FGF12: variants seen among roughly 807,000 people sequenced by gnomAD.
FGF12 encodes the protein fibroblast growth factor 12B.
FGF12 carries 14 observed loss-of-function variants against 23.6 expected under a neutral mutation model. The observed-to-expected ratio is 0.59, with a 90% CI of 0.39 to 0.93. FGF12 has a LOEUF of 0.93. Among genes scored for constraint, FGF12 ranks in the 40% least tolerant of loss-of-function variants. The pLI is 0.00. For missense variants in FGF12, 175 were observed against 217.8 expected (o/e 0.80, Z 1.24); for synonymous variants, 62 against 77.3 (o/e 0.80, Z 1.04).
At chr3:192,193,588 T>C (rs1716912642) in intron 4 of FGF12, among the ~76,000 whole-genome samples, 1 of 152,172 alleles carries the variant, frequency 6.6e-6, no homozygotes, top group South Asian at 2.1e-4. Flanking sequence ...AGATTAATGA[T>C]TAGAGTTACT....
At chr3:192,622,264 C>A (rs913560691) in intron 2 of FGF12, among the ~76,000 whole-genome samples, 3 of 152,176 alleles carry the variant, frequency 2.0e-5, no homozygotes, top group Non-Finnish European at 4.4e-5. Flanking sequence ...GGAACAGAGT[C>A]ATCCAGGAGT....
chr3:192,296,663 T>C (rs1309883524), intron 4 of FGF12, among the ~76,000 whole-genome samples: 1 of 152,216 alleles, frequency 6.6e-6, no homozygotes, highest in Non-Finnish European at 1.5e-5. Flanking sequence ...TATTAGGTCT[T>C]CATAAGAAAT....
intron 2 of FGF12, among the ~76,000 whole-genome samples, chr3:192,644,104 T>C (rs577274673): frequency 6.6e-6 from 1 of 152,340 alleles, no homozygotes; most frequent in East Asian, 1.9e-4. Flanking sequence ...TTTGTGCCCA[T>C]ACATCCCCGT....
intron 2 of FGF12, among the ~76,000 whole-genome samples, chr3:192,461,888 G>A (rs1259355714): frequency 6.6e-6 from 1 of 152,004 alleles, no homozygotes; most frequent in Non-Finnish European, 1.5e-5. Flanking sequence ...TACTCGGGAG[G>A]CTGAGGCAGG....
At chr3:192,225,264 C>A (rs1718674086) in intron 4 of FGF12, among the ~76,000 whole-genome samples, 1 of 152,142 alleles carries the variant, frequency 6.6e-6, no homozygotes, top group Non-Finnish European at 1.5e-5. Context: ...CACTAGCCAT[C>A]ATCGCTCTGC....
At chr3:192,350,798 C>T (rs902939047) in intron 3 of FGF12, among the ~76,000 whole-genome samples, 9 of 151,992 alleles carry the variant, frequency 5.9e-5, no homozygotes, top group African/African-American at 2.2e-4. Flanking sequence ...GCTTTTACCC[C>T]GAATGATATG....
At chr3:192,613,314 T>C (rs1714619969) in intron 2 of FGF12, among the ~76,000 whole-genome samples, 1 of 151,896 alleles carries the variant, frequency 6.6e-6, no homozygotes, top group African/African-American at 2.4e-5. Context: ...TTATAGGAAT[T>C]GCTTTTATGA....
intron 2 of FGF12, among the ~76,000 whole-genome samples, chr3:192,569,415 G>C (rs1432087398): frequency 6.6e-6 from 1 of 152,118 alleles, no homozygotes; most frequent in South Asian, 2.1e-4. Flanking sequence ...AGGAACCCTC[G>C]TATTCCTATG....
intron 4 of FGF12, among the ~76,000 whole-genome samples, chr3:192,255,680 A>T (rs1039473834): frequency 1.3e-5 from 2 of 152,188 alleles, no homozygotes; most frequent in Admixed American, 1.3e-4. Flanking sequence ...CTTTATTAAA[A>T]CAATATTTAA....
At chr3:192,369,437 A>T (rs1229939545) in intron 2 of FGF12, among the ~76,000 whole-genome samples, 1 of 152,204 alleles carries the variant, frequency 6.6e-6, no homozygotes, top group East Asian at 1.9e-4. Context: ...GAATCGAATG[A>T]CCTTGAGACA....
In FGF12 at chr3:192,144,060, A is replaced by C; in HGVS notation, c.495T>G (p.Ser165=). 1.2e-6 allele frequency: 2 copies of C among 1,613,840 alleles called. No individual in the cohort carries two copies. The highest frequency in any genetic ancestry group is 1.7e-6 in the Non-Finnish European group (2 of 1,179,772). The change falls in exon 6 of 6, where the codon TCT becomes TCG. Residue 165 remains serine, a synonymous_variant. Coordinates refer to ENST00000445105, the MANE Select transcript of FGF12 (RefSeq NM_004113.6). The stretch of plus-strand genomic sequence containing the variant: ...TGCCTCCATTCATGGTTGGTGTTCC[A>C]GAACTTTTCCTTGAACGCCCTTGTT... ...GEKQGRSRKS[S]GTPTMNGGKV...
chr3:192,503,699 A>G (rs143337676), intron 2 of FGF12, among the ~76,000 whole-genome samples: 13,854 of 145,660 alleles, frequency 0.095, 730 homozygotes, highest in Admixed American at 0.2. Flanking sequence ...TCTGCCTCCC[A>G]GGTTCATGCC....
chr3:192,512,192 G>C (rs544135754), intron 2 of FGF12, among the ~76,000 whole-genome samples: 36 of 152,044 alleles, frequency 2.4e-4, no homozygotes, highest in African/African-American at 8.0e-4. Flanking sequence ...TTCTCCTTAA[G>C]TTAGTTTTAA....
chr3:192,200,661 C>T (rs146601585), intron 4 of FGF12, among the ~76,000 whole-genome samples: 37 of 152,246 alleles, frequency 2.4e-4, no homozygotes, highest in African/African-American at 7.7e-4. Flanking sequence ...GACCAAACTC[C>T]GTCAGTACCT....
At chr3:192,384,803 T>C (rs143354337) in intron 2 of FGF12, among the ~76,000 whole-genome samples, 10 of 152,246 alleles carry the variant, frequency 6.6e-5, no homozygotes, top group East Asian at 1.9e-4. Context: ...ATCCCAAGAA[T>C]TGTACAGGCA....
intron 4 of FGF12, among the ~76,000 whole-genome samples, chr3:192,249,905 T>C (rs548145783): frequency 6.6e-5 from 10 of 152,330 alleles, no homozygotes; most frequent in Admixed American, 5.9e-4. Flanking sequence ...AAAAAAACGT[T>C]GAATGGCATT....
chr3:192,261,259 C>T (rs1192661842), intron 4 of FGF12, among the ~76,000 whole-genome samples: 3 of 152,132 alleles, frequency 2.0e-5, no homozygotes, highest in Non-Finnish European at 4.4e-5. Flanking sequence ...CAACTTCAAA[C>T]GTTGGCCATG....
intron 2 of FGF12, among the ~76,000 whole-genome samples, chr3:192,488,428 A>C (rs1723702337): frequency 6.6e-6 from 1 of 152,090 alleles, no homozygotes; most frequent in South Asian, 2.1e-4. Flanking sequence ...CTTCCTGAGC[A>C]AAACTTCTTG....
At position 192,460,680 on chromosome 3, in the gene FGF12, A is replaced by ATT. The variant is rs1037413333; in HGVS notation, c.14-100144_14-100143dup. On this transcript the variant is annotated intron_variant, in intron 2 of 5. Coordinates refer to ENST00000445105, the MANE Select transcript of FGF12 (RefSeq NM_004113.6). ...TACATATACACACACACACACATATATTTATATATATATATATATATATAT... is the reference window on the plus strand; with the variant it reads ...TACATATACACACACACACACATATATTTTTATATATATATATATATATATAT... 1.6e-3 allele frequency among the ~76,000 whole-genome samples: 204 copies of ATT among 128,530 alleles called. 1 individual carries two copies. Among genetic ancestry groups the ATT allele is most frequent in the South Asian group, 3.5e-3 (15 of 4,346 alleles). The allele number at this position is 128,530 out of a possible 152,430, so 84.3% of individuals were successfully genotyped here. A position where few individuals can be genotyped will look rare whatever the true frequency, so the allele number is the denominator to read the frequency against.
Sources: gnomAD v4.1 joint callset for allele counts (sites outside exome capture counted in the v4.1 genomes callset) on GRCh38, gnomAD v4.1.1 for gene constraint, MANE v1.5 for transcripts, NCBI Gene and HGNC (gene_info 2026-07-23, HGNC 2026-07-21) for gene names.